Variants in CSMD1 observed in about 807,000 individuals in gnomAD.
CSMD1 encodes CUB and sushi domain-containing protein 1.
A neutral mutation model predicts 417.5 loss-of-function variants in CSMD1; 213 were observed. The observed-to-expected ratio is 0.51, with a 90% CI of 0.46 to 0.57. The LOEUF (loss-of-function observed/expected upper bound fraction) is 0.57. CSMD1 is among the 20% of genes least tolerant of loss of function. CSMD1 has a pLI of 0.00. For synonymous variants in CSMD1, 2,862 were observed against 1,736.8 expected (o/e 1.65, Z -16.11); for missense variants, 6,923 against 4,529.7 (o/e 1.53, Z -15.17).
At chr8:3,757,625 T>A (rs936139878) in intron 5 of CSMD1, among the ~76,000 whole-genome samples, 1 of 151,990 alleles carries the variant, frequency 6.6e-6, no homozygotes, top group East Asian at 1.9e-4. Flanking sequence ...CACTTTGGGA[T>A]GCCAAGGTGG....
intron 1 of CSMD1, among the ~76,000 whole-genome samples, chr8:4,640,338 T>C (rs1344948646): frequency 2.0e-5 from 3 of 152,234 alleles, no homozygotes; most frequent in African/African-American, 7.2e-5. Context: ...ATGCCTAAGA[T>C]AGAATCGGAT....
At chr8:3,819,014 C>A (rs774346675) in intron 5 of CSMD1, among the ~76,000 whole-genome samples, 15 of 152,186 alleles carry the variant, frequency 9.9e-5, no homozygotes, top group Non-Finnish European at 1.8e-4. Flanking sequence ...TTATCACTCT[C>A]TTTTGACATC....
At chr8:3,236,772 C>T (rs1799178365) in intron 26 of CSMD1, among the ~76,000 whole-genome samples, 1 of 152,164 alleles carries the variant, frequency 6.6e-6, no homozygotes, top group South Asian at 2.1e-4. Flanking sequence ...TTTGCTGACT[C>T]TGAAGGTTTC....
At chr8:4,613,949 G>A (rs552986599) in intron 2 of CSMD1, among the ~76,000 whole-genome samples, 5 of 149,448 alleles carry the variant, frequency 3.3e-5, no homozygotes, top group Non-Finnish European at 5.9e-5. Flanking sequence ...CTTTTGTATT[G>A]TGAATTTTTA....
intron 28 of CSMD1, among the ~76,000 whole-genome samples, chr8:3,222,172 A>G (rs1380543122): frequency 6.6e-6 from 1 of 152,108 alleles, no homozygotes; most frequent in African/African-American, 2.4e-5. Flanking sequence ...AGAGGCTTAG[A>G]GATTATCTGT....
At chr8:3,608,854 A>T (rs1443648509) in intron 8 of CSMD1, among the ~76,000 whole-genome samples, 1 of 151,906 alleles carries the variant, frequency 6.6e-6, no homozygotes, top group African/African-American at 2.4e-5. Context: ...AACATGACAC[A>T]CCCCTTGCAG....
At chr8:4,177,271 G>A (rs971385074) in intron 3 of CSMD1, among the ~76,000 whole-genome samples, 3 of 152,138 alleles carry the variant, frequency 2.0e-5, no homozygotes, top group East Asian at 1.9e-4. Context: ...TCAGGATTAA[G>A]AAACTCACTC....
chr8:4,194,193 T>C (rs1409237064), intron 3 of CSMD1, among the ~76,000 whole-genome samples: 1 of 152,144 alleles, frequency 6.6e-6, no homozygotes, highest in African/African-American at 2.4e-5. Flanking sequence ...ATGTCATACC[T>C]GACACTACTA....
chr8:4,437,290 A>G (rs1422935298), intron 2 of CSMD1, among the ~76,000 whole-genome samples: 1 of 152,226 alleles, frequency 6.6e-6, no homozygotes, highest in Non-Finnish European at 1.5e-5. Context: ...AGTAACTGAA[A>G]TATGATTATT....
intron 3 of CSMD1, among the ~76,000 whole-genome samples, chr8:4,076,852 C>A (rs1799847801): frequency 6.6e-6 from 1 of 152,102 alleles, no homozygotes; most frequent in Non-Finnish European, 1.5e-5. Context: ...TTAAGATAGG[C>A]TACTCTTTTC....
At chr8:3,087,996 T>C (rs181197358) in intron 48 of CSMD1, among the ~76,000 whole-genome samples, 2 of 152,348 alleles carry the variant, frequency 1.3e-5, no homozygotes, top group South Asian at 2.1e-4. Flanking sequence ...CAGTGAAACT[T>C]CTGGACTGTA....
intron 10 of CSMD1, among the ~76,000 whole-genome samples, chr8:3,498,887 C>A (rs1796475828): frequency 6.6e-6 from 1 of 152,124 alleles, no homozygotes; most frequent in South Asian, 2.1e-4. Flanking sequence ...TCATTCAGAT[C>A]ATGAATTGTT....
intron 3 of CSMD1, among the ~76,000 whole-genome samples, chr8:4,081,467 G>C (rs1301702086): frequency 1.3e-5 from 2 of 152,114 alleles, no homozygotes; most frequent in African/African-American, 2.4e-5. Flanking sequence ...CGGTGTCATG[G>C]GAACACTAAA....
intron 33 of CSMD1, among the ~76,000 whole-genome samples, chr8:3,196,318 C>A (rs895851725): frequency 1.3e-5 from 2 of 152,126 alleles, no homozygotes; most frequent in Non-Finnish European, 2.9e-5. Flanking sequence ...TAATCCATCC[C>A]TCATTTAGCA....
intron 16 of CSMD1, among the ~76,000 whole-genome samples, chr8:3,399,076 C>G (rs1439994701): frequency 6.6e-6 from 1 of 152,082 alleles, no homozygotes; most frequent in Admixed American, 6.6e-5. Context: ...TTTCCATGTG[C>G]AATCAGACAT....
intron 5 of CSMD1, among the ~76,000 whole-genome samples, chr8:3,926,107 ACACACACACACACACACACACACACT>A (rs1563218368): frequency 1.8e-4 from 12 of 65,330 alleles, no homozygotes; most frequent in Admixed American, 3.3e-4. Context: ...ACACACACAC[ACACACACACACACACACACACACACT>A]TGTGGTGTGT....
intron 5 of CSMD1, among the ~76,000 whole-genome samples, chr8:3,996,152 T>C (rs945494636): frequency 6.6e-6 from 1 of 151,764 alleles, no homozygotes; most frequent in Non-Finnish European, 1.5e-5. Context: ...TGATCATAGG[T>C]TCTAGAATCA....
At chr8:3,957,800 T>G (rs1395685359) in intron 5 of CSMD1, among the ~76,000 whole-genome samples, 3 of 152,154 alleles carry the variant, frequency 2.0e-5, no homozygotes, top group Non-Finnish European at 2.9e-5. Flanking sequence ...ATGTTGTTAG[T>G]TTCATAAAGC....
intron 1 of CSMD1, among the ~76,000 whole-genome samples, chr8:4,807,999 CTGTTG>C (rs1798687563): frequency 6.6e-6 from 1 of 152,184 alleles, no homozygotes; most frequent in Non-Finnish European, 1.5e-5. Context: ...AAATACAAAT[CTGTTG>C]TGTATCCCAT....
Sources: allele counts gnomAD v4.1 joint callset (sites outside exome capture counted in the v4.1 genomes callset), GRCh38; gene constraint gnomAD v4.1.1; transcripts MANE v1.5; gene names NCBI Gene and HGNC (gene_info 2026-07-23, HGNC 2026-07-21).